The following ST6GAL1 variants were observed in gnomAD, a reference collection of about 807,000 sequenced individuals.
ST6GAL1 encodes beta-galactoside alpha-2,6-sialyltransferase 1.
A neutral mutation model predicts 38.0 loss-of-function variants in ST6GAL1; 20 were observed. The observed-to-expected ratio is 0.53, with a 90% confidence interval of 0.37 to 0.77. ST6GAL1 has a LOEUF of 0.77. ST6GAL1 is among the 30% of genes least tolerant of loss of function. ST6GAL1 has a pLI of 0.00. For synonymous variants in ST6GAL1, 196 were observed against 188.2 expected (o/e 1.04, Z -0.34); for missense variants, 432 against 496.4 (o/e 0.87, Z 1.23).
rs376390656 is a variant in ST6GAL1 at position 186,995,538 on chromosome 3, T to A, written c.-183+31612T>A. The stretch of plus-strand genomic sequence containing the variant: ...AAATAATAATAAAATAAAAAAAAAA[T>A]AAAGAAATTGTTAAAATGCAGGCTG... On this transcript the variant is annotated intron_variant, in intron 2 of 7. Coordinates refer to ENST00000169298, the MANE Select transcript of ST6GAL1 (RefSeq NM_173216.2). 6.7e-3 allele frequency among the ~76,000 whole-genome samples: 859 copies of A among 129,142 alleles called. 1 individual carries two copies. The highest frequency in any genetic ancestry group is 9.4e-3 in the African/African-American group (311 of 33,158). 84.7% of individuals were successfully genotyped at this position (129,142 alleles called of 152,430 possible).
intron 2 of ST6GAL1, among the ~76,000 whole-genome samples, chr3:186,971,164 C>G (rs951869634): frequency 6.6e-6 from 1 of 152,268 alleles, no homozygotes; most frequent in African/African-American, 2.4e-5. Flanking sequence ...TCTTGGCTCA[C>G]TGCAACCTCC....
At chr3:186,989,521 A>G (rs1220210505) in intron 2 of ST6GAL1, among the ~76,000 whole-genome samples, 4 of 152,192 alleles carry the variant, frequency 2.6e-5, no homozygotes, top group African/African-American at 4.8e-5. Context: ...GCTGATGTCC[A>G]CTAAGATCTT....
chr3:187,046,665 G>A (rs888526897), intron 4 of ST6GAL1, among the ~76,000 whole-genome samples: 1 of 152,198 alleles, frequency 6.6e-6, no homozygotes, highest in African/African-American at 2.4e-5. Flanking sequence ...GTCTGCAGAG[G>A]TGGGACATAT....
intron 4 of ST6GAL1, among the ~76,000 whole-genome samples, chr3:187,049,915 C>G (rs1028981145): frequency 3.3e-5 from 5 of 152,200 alleles, no homozygotes; most frequent in Non-Finnish European, 7.3e-5. Flanking sequence ...ACCTCCTGCC[C>G]TATGTGCACT....
intron 1 of ST6GAL1, among the ~76,000 whole-genome samples, chr3:186,953,070 C>T (rs903070505): frequency 1.3e-5 from 2 of 152,176 alleles, no homozygotes; most frequent in Non-Finnish European, 2.9e-5. Flanking sequence ...GACAGAAGAC[C>T]TGTTCTTTCT....
Position 187,051,339 on chromosome 3 carries a change from A to T in ST6GAL1, c.698A>T (p.Asn233Ile), listed in dbSNP as rs1171853961. 1.9e-6 allele frequency: 3 copies of T among 1,613,856 alleles called. No homozygotes were observed. Among genetic ancestry groups the T allele is most frequent in the Non-Finnish European group, 2.5e-6 (3 of 1,179,910 alleles). Residue 233 changes from asparagine (N) to isoleucine (I), a missense_variant, in exon 5 of 8, where the codon AAC (asparagine) becomes ATC (isoleucine). Transcript: ENST00000169298. ...ACAAAAACTACCATTCGCCTGATGA[A>T]CTCTCAGGTAAAATTTCTTCTGTGC... ...VGTKTTIRLM[N>I]SQLVTTEKRF...
At chr3:187,069,508 CCTCA>C (rs1248723781) in intron 5 of ST6GAL1, among the ~76,000 whole-genome samples, 1 of 151,470 alleles carries the variant, frequency 6.6e-6, no homozygotes, top group African/African-American at 2.4e-5. Flanking sequence ...CCCCTTTTTC[CCTCA>C]CTCTCAACAT....
intron 1 of ST6GAL1, among the ~76,000 whole-genome samples, chr3:186,935,100 A>G (rs1454080453): frequency 6.6e-6 from 1 of 151,926 alleles, no homozygotes; most frequent in African/African-American, 2.4e-5. Flanking sequence ...GTATTTAGTC[A>G]CTCAGGTACT....
At chr3:186,935,991 A>T (rs1267832661) in intron 1 of ST6GAL1, among the ~76,000 whole-genome samples, 11 of 141,402 alleles carry the variant, frequency 7.8e-5, no homozygotes, top group Admixed American at 7.0e-5. Flanking sequence ...AGGTGGTGGG[A>T]GTGGAGGGGG....
Position 187,076,280 on chromosome 3 carries a change from T to C in ST6GAL1, c.*477T>C, listed in dbSNP as rs1306491179. On this transcript the variant is annotated 3_prime_UTR_variant, in exon 8 of 8. Transcript: ENST00000169298. ...GTGGCTCTGGGGGGCAAGTAGGTGGTACAGGGGATTGGAAACATGCTCCGC... is the reference window on the plus strand; with the variant it reads ...GTGGCTCTGGGGGGCAAGTAGGTGGCACAGGGGATTGGAAACATGCTCCGC... 1 of 167,132 alleles carries C rather than the reference T, an allele frequency of 6.0e-6. No homozygotes were observed. The highest frequency in any genetic ancestry group is 1.3e-5 in the Non-Finnish European group (1 of 77,100). The allele number at this position is 167,132 out of a possible 1,614,324, so 10.4% of individuals were successfully genotyped here.
chr3:187,057,944 C>T (rs1718769547), intron 5 of ST6GAL1, among the ~76,000 whole-genome samples: 1 of 152,206 alleles, frequency 6.6e-6, no homozygotes, highest in African/African-American at 2.4e-5. Context: ...CTGCAGTGGG[C>T]TCCACCTACT....
chr3:187,003,427 C>G (rs566705855), intron 2 of ST6GAL1, among the ~76,000 whole-genome samples: 4 of 152,156 alleles, frequency 2.6e-5, no homozygotes, highest in African/African-American at 9.7e-5. Flanking sequence ...TACTCTGTGG[C>G]GCAGTCCAGT....
chr3:187,009,997 T>A (rs940477415), intron 2 of ST6GAL1, among the ~76,000 whole-genome samples: 10 of 152,106 alleles, frequency 6.6e-5, no homozygotes, highest in South Asian at 4.2e-4. Flanking sequence ...AGAGCGAGAC[T>A]CCATCTAAAA....
chr3:186,996,239 G>C (rs945324387), intron 2 of ST6GAL1, among the ~76,000 whole-genome samples: 1 of 152,034 alleles, frequency 6.6e-6, no homozygotes, highest in African/African-American at 2.4e-5. Flanking sequence ...GCTTTTCCTG[G>C]GCCACTCAGA....
chr3:186,957,493 C>T (rs1350738238), intron 1 of ST6GAL1, among the ~76,000 whole-genome samples: 2 of 151,798 alleles, frequency 1.3e-5, no homozygotes, highest in African/African-American at 4.8e-5. Context: ...TTCTAAGAAG[C>T]CCAACATCAG....
intron 2 of ST6GAL1, among the ~76,000 whole-genome samples, chr3:186,966,918 T>G (rs1323525135): frequency 6.6e-6 from 1 of 152,190 alleles, no homozygotes. Context: ...GGGGATTTAA[T>G]TCAGTTCCAC....
rs1579347516 is a variant in ST6GAL1, at chr3:187,038,794, A to T, written c.-130A>T. ...GGGCCTTGGCCTGCAGACCCAATAA[A>T]CCTTCCCTCCCATGGATAATAGTGC... On this transcript the variant is annotated 5_prime_UTR_variant, in exon 3 of 8. Transcript: ENST00000169298. 6.6e-6 allele frequency: 1 copy of T among 152,092 alleles called. No individual in the cohort carries two copies. The highest frequency in any genetic ancestry group is 6.5e-5 in the Admixed American group (1 of 15,276). 9.4% of individuals were successfully genotyped at this position (152,092 alleles called of 1,614,324 possible). A position where few individuals can be genotyped will look rare whatever the true frequency, so the allele number is the denominator to read the frequency against.
intron 1 of ST6GAL1, among the ~76,000 whole-genome samples, chr3:186,949,257 G>C (rs1164750433): frequency 6.6e-6 from 1 of 152,198 alleles, no homozygotes; most frequent in African/African-American, 2.4e-5. Context: ...TTCCAGGTGA[G>C]AGAGGGAAGA....
intron 2 of ST6GAL1, among the ~76,000 whole-genome samples, chr3:187,033,840 T>C (rs561933732): frequency 3.4e-4 from 52 of 152,060 alleles, no homozygotes; most frequent in Admixed American, 1.2e-3. Context: ...AACCTAATAT[T>C]GCACCCAGAG....
Sources: gnomAD v4.1 joint callset for allele counts (sites outside exome capture counted in the v4.1 genomes callset) on GRCh38, gnomAD v4.1.1 for gene constraint, MANE v1.5 for transcripts, NCBI Gene and HGNC (gene_info 2026-07-23, HGNC 2026-07-21) for gene names.